The following MAMDC2 variants were observed in gnomAD, a reference collection of about 807,000 sequenced individuals.
MAMDC2 encodes MAM domain containing 2, also known as MAM domain-containing protein 2.
Under a neutral mutation model 89.8 loss-of-function variants are expected in MAMDC2, and 57 were observed. The observed-to-expected ratio is 0.63, with a 90% CI of 0.51 to 0.79. The LOEUF is 0.79. Ranked by LOEUF, MAMDC2 falls within the 30% of genes least tolerant of loss-of-function variation. The pLI, the probability that MAMDC2 is intolerant of heterozygous loss-of-function variation, is 0.00. For missense variants in MAMDC2, 800 were observed against 820.6 expected, an observed-to-expected ratio of 0.97 and a Z score of 0.31; for synonymous variants, 313 against 293.4, an observed-to-expected ratio of 1.07 and a Z score of -0.68.
At chr9:70,082,308 A>G (rs1400611115) in intron 2 of MAMDC2, among the ~76,000 whole-genome samples, 3 of 152,162 alleles carry the variant, frequency 2.0e-5, no homozygotes, top group Non-Finnish European at 4.4e-5. Flanking sequence ...CTCAGATAAG[A>G]TGGTGTGGGT....
intron 2 of MAMDC2, among the ~76,000 whole-genome samples, chr9:70,081,104 T>G (rs1318354240): frequency 2.0e-5 from 3 of 152,110 alleles, no homozygotes; most frequent in Admixed American, 1.3e-4. Flanking sequence ...AGAGTCTGGC[T>G]GAAGAGAGAC....
intron 11 of MAMDC2, among the ~76,000 whole-genome samples, chr9:70,206,520 G>A (rs951587008): frequency 3.9e-5 from 6 of 152,158 alleles, no homozygotes; most frequent in African/African-American, 1.4e-4. Flanking sequence ...TTCAAGAAAA[G>A]TAGTGGGCAT....
chr9:70,125,441 C>T lies in MAMDC2; in HGVS notation c.644-718C>T, dbSNP rs149758827. 1.2e-4 allele frequency among the ~76,000 whole-genome samples: 18 copies of T among 152,322 alleles called. No individual in the cohort carries two copies. The East Asian group carries it at 3.5e-3, about 29-fold the overall frequency. On this transcript the variant is annotated intron_variant, in intron 5 of 13. Coordinates refer to ENST00000377182, the MANE Select transcript of MAMDC2 (RefSeq NM_153267.5). ...GATTCAACCTCATTTCTCTTCAATGCTAAGTCAAGGCTGTCTCCATTCTGC... is the reference window on the plus strand; with the variant it reads ...GATTCAACCTCATTTCTCTTCAATGTTAAGTCAAGGCTGTCTCCATTCTGC...
At chr9:70,140,399 G>C in intron 8 of MAMDC2, 111 bp downstream of exon 8, 1 of 1,194,122 alleles carries the variant, frequency 8.4e-7, no homozygotes, top group Non-Finnish European at 1.2e-6. Flanking sequence ...AGGCAGCTGT[G>C]AAGAAGCAAA....
intron 12 of MAMDC2, among the ~76,000 whole-genome samples, chr9:70,221,378 T>TAGAGAGAGAGAGAGAG (rs1212981557): frequency 1.8e-4 from 1 of 5,500 alleles, no homozygotes; most frequent in African/African-American, 4.5e-4. Flanking sequence ...TATATATATA[T>TAGAGAGAGAGAGAGAG]ATAGAGAGAG....
At chr9:70,216,170 ATTAC>A (rs2033441988) in intron 11 of MAMDC2, 1 of 152,210 alleles carries the variant, frequency 6.6e-6, no homozygotes, top group Non-Finnish European at 1.5e-5. Flanking sequence ...CTTTGTAAAG[ATTAC>A]TTTTTACATC....
chr9:70,216,843 A>G (rs1321182556), intron 11 of MAMDC2, among the ~76,000 whole-genome samples: 3 of 152,238 alleles, frequency 2.0e-5, no homozygotes, highest in Non-Finnish European at 4.4e-5. Context: ...TACTTCAGTG[A>G]CATGATAGTG....
At chr9:70,221,380 T>TATATATATATATATATAGAGAGAGAG in intron 12 of MAMDC2, among the ~76,000 whole-genome samples, 8 of 7,040 alleles carry the variant, frequency 1.1e-3, no homozygotes, top group Non-Finnish European at 2.1e-3. Flanking sequence ...TATATATATA[T>TATATATATATATATATAGAGAGAGAG]AGAGAGAGAG....
At chr9:70,156,631 G>T (rs1465625205) in intron 9 of MAMDC2, among the ~76,000 whole-genome samples, 1 of 152,182 alleles carries the variant, frequency 6.6e-6, no homozygotes, top group African/African-American at 2.4e-5. Context: ...AGCAGATTAA[G>T]GTGGCTTTGT....
intron 2 of MAMDC2, among the ~76,000 whole-genome samples, chr9:70,052,190 G>C (rs1206332028): frequency 6.6e-6 from 1 of 152,128 alleles, no homozygotes; most frequent in East Asian, 1.9e-4. Flanking sequence ...TTCTCCAGAT[G>C]TAAGAAAGAA....
chr9:70,209,362 G>A (rs1375122146), intron 11 of MAMDC2, among the ~76,000 whole-genome samples: 1 of 151,976 alleles, frequency 6.6e-6, no homozygotes, highest in East Asian at 1.9e-4. Flanking sequence ...GTCTTGGGAG[G>A]GCATATGTGT....
intron 12 of MAMDC2, among the ~76,000 whole-genome samples, chr9:70,223,598 G>A (rs959516141): frequency 6.6e-6 from 1 of 152,168 alleles, no homozygotes; most frequent in Non-Finnish European, 1.5e-5. Context: ...CATGGTGTCT[G>A]CTAAGTATTG....
chr9:70,089,165 A>G (rs575761300), intron 2 of MAMDC2: 1 of 152,242 alleles, frequency 6.6e-6, no homozygotes, highest in South Asian at 2.1e-4. Flanking sequence ...TGTCAGCTAC[A>G]CTATTACCCC....
chr9:70,177,326 G>A (rs2032530267), intron 11 of MAMDC2, among the ~76,000 whole-genome samples: 1 of 152,192 alleles, frequency 6.6e-6, no homozygotes, highest in Non-Finnish European at 1.5e-5. Flanking sequence ...AGAGAGTGTA[G>A]ACAGCATGGA....
chr9:70,215,013 T>G (rs2033418668), intron 11 of MAMDC2, among the ~76,000 whole-genome samples: 1 of 152,156 alleles, frequency 6.6e-6, no homozygotes, highest in Non-Finnish European at 1.5e-5. Context: ...GTTTGAGATA[T>G]AACATATTTG....
chr9:70,080,262 G>A (rs1827623178), intron 2 of MAMDC2, among the ~76,000 whole-genome samples: 1 of 152,162 alleles, frequency 6.6e-6, no homozygotes, highest in South Asian at 2.1e-4. Context: ...CTCTATGTAT[G>A]TAGAAACATT....
intron 9 of MAMDC2, among the ~76,000 whole-genome samples, chr9:70,163,506 C>T (rs6560015): frequency 0.058 from 8,800 of 152,154 alleles, 285 homozygotes; most frequent in South Asian, 0.074. Context: ...GGATTATAGG[C>T]GTGAGCCACT....
intron 9 of MAMDC2, among the ~76,000 whole-genome samples, chr9:70,154,976 A>G (rs1367358750): frequency 6.6e-6 from 1 of 151,806 alleles, no homozygotes; most frequent in Non-Finnish European, 1.5e-5. Flanking sequence ...GCCCCACAAC[A>G]CAGCTTATCC....
At chr9:70,184,114 G>A (rs1437593411) in intron 11 of MAMDC2, among the ~76,000 whole-genome samples, 1 of 152,168 alleles carries the variant, frequency 6.6e-6, no homozygotes, top group African/African-American at 2.4e-5. Flanking sequence ...TGTCTGTAAA[G>A]GATTTTAATT....
Sources: gnomAD v4.1 joint callset for allele counts (sites outside exome capture counted in the v4.1 genomes callset) on GRCh38, gnomAD v4.1.1 for gene constraint, MANE v1.5 for transcripts, NCBI Gene and HGNC (gene_info 2026-07-23, HGNC 2026-07-21) for gene names.